The following BICDL1 variants were observed in gnomAD, a reference collection of about 807,000 sequenced individuals.
BICDL1 encodes the protein BICD family-like cargo adapter 1.
In BICDL1, 20 loss-of-function variants were observed where a neutral mutation model predicts 76.8. That is an observed-to-expected ratio of 0.26 (90% CI 0.18 to 0.38). The LOEUF is 0.38. BICDL1 is among the 10% of genes least tolerant of loss of function. The pLI, the probability that BICDL1 is intolerant of heterozygous loss-of-function variation, is 1.00. For synonymous variants in BICDL1, 383 were observed against 337.1 expected (o/e 1.14, Z -1.49); for missense variants, 700 against 798.6 (o/e 0.88, Z 1.49).
chr12:120,075,323 C>A (rs1238305320), intron 7 of BICDL1, among the ~76,000 whole-genome samples: 1 of 152,040 alleles, frequency 6.6e-6, no homozygotes, highest in Non-Finnish European at 1.5e-5. Context: ...TCACGCCTTG[C>A]TGCTGCATGA....
intron 2 of BICDL1, among the ~76,000 whole-genome samples, chr12:120,022,694 T>G (rs1952209050): frequency 6.6e-6 from 1 of 151,750 alleles, no homozygotes; most frequent in Non-Finnish European, 1.5e-5. Flanking sequence ...AGACTAGATA[T>G]CAGGTAATGC....
chr12:119,992,148 A>G (rs1473095161), intron 1 of BICDL1, among the ~76,000 whole-genome samples: 1 of 152,212 alleles, frequency 6.6e-6, no homozygotes, highest in Non-Finnish European at 1.5e-5. Flanking sequence ...ATTATTTCTT[A>G]TAGGTAGGTT....
chr12:120,049,932 T>C (rs1478905577), intron 2 of BICDL1, among the ~76,000 whole-genome samples: 1 of 152,188 alleles, frequency 6.6e-6, no homozygotes, highest in Admixed American at 6.5e-5. Context: ...CCACCAACAG[T>C]GTGTGGGAAT....
chr12:119,999,317 CT>C (rs1186362267), intron 2 of BICDL1, among the ~76,000 whole-genome samples: 1 of 152,150 alleles, frequency 6.6e-6, no homozygotes, highest in Non-Finnish European at 1.5e-5. Flanking sequence ...TGCTTAATGA[CT>C]TCTGACGTTT....
At chr12:119,990,918 CAG>C (rs1271352807) in intron 1 of BICDL1, among the ~76,000 whole-genome samples, 1 of 152,240 alleles carries the variant, frequency 6.6e-6, no homozygotes. Context: ...TGTATTTAAA[CAG>C]TACTTTTCTG....
chr12:120,090,753 G>C lies in BICDL1; in HGVS notation c.1704+682G>C. ...AAGGTAAGCCCCCCGTGGAGGGCAGGTTGTTGGTGACCATTCCTCCCAGGG... is the reference window on the plus strand; with the variant it reads ...AAGGTAAGCCCCCCGTGGAGGGCAGCTTGTTGGTGACCATTCCTCCCAGGG... On this transcript the variant is annotated intron_variant, in intron 9 of 9. Transcript: ENST00000548673. 1.4e-5 allele frequency: 7 copies of C among 509,608 alleles called. 1 individual carries two copies. The highest frequency in any genetic ancestry group is 1.2e-4 in the South Asian group (7 of 58,994). The allele number at this position is 509,608 out of a possible 1,614,324, so 31.6% of individuals were successfully genotyped here. A position where few individuals can be genotyped will look rare whatever the true frequency, so the allele number is the denominator to read the frequency against.
chr12:120,059,234 A>G (rs1594181030), intron 2 of BICDL1, among the ~76,000 whole-genome samples: 2 of 151,988 alleles, frequency 1.3e-5, no homozygotes, highest in Admixed American at 6.6e-5. Flanking sequence ...AGCTGGTACT[A>G]TAGGCACGCA....
At chr12:120,000,002 T>TG (rs1437352806) in intron 2 of BICDL1, 1 of 220,980 alleles carries the variant, frequency 4.5e-6, no homozygotes, top group Non-Finnish European at 9.3e-6. Flanking sequence ...TGATGGGTGA[T>TG]GCTGTATGAA....
At chr12:120,003,158 TAAA>T (rs747568511) in intron 2 of BICDL1, among the ~76,000 whole-genome samples, 34 of 136,646 alleles carry the variant, frequency 2.5e-4, no homozygotes, top group East Asian at 4.2e-4. Flanking sequence ...ACCCCATCTT[TAAA>T]AAAAAAAAAA....
At chr12:120,001,821 A>C (rs1043555857) in intron 2 of BICDL1, among the ~76,000 whole-genome samples, 1 of 152,162 alleles carries the variant, frequency 6.6e-6, no homozygotes, top group Admixed American at 6.5e-5. Context: ...AGGTTGAGGC[A>C]GGAGGATCAC....
At chr12:120,092,929 C>G in intron 9 of BICDL1, 71 bp from the exon 10 acceptor site, 1 of 1,487,126 alleles carries the variant, frequency 6.7e-7, no homozygotes, top group Non-Finnish European at 8.9e-7. Context: ...ATGTTCCCAC[C>G]TCCCTGTCCA....
intron 2 of BICDL1, among the ~76,000 whole-genome samples, chr12:120,014,270 C>A (rs183465346): frequency 7.2e-5 from 11 of 152,332 alleles, no homozygotes; most frequent in African/African-American, 2.2e-4. Flanking sequence ...TTCAAGTCAA[C>A]TCGAAGCCTT....
intron 2 of BICDL1, among the ~76,000 whole-genome samples, chr12:120,059,118 C>T (rs545010710): frequency 2.8e-4 from 42 of 151,644 alleles, no homozygotes; most frequent in South Asian, 8.3e-4. Context: ...CTTTTTGAGA[C>T]GTAGTCTTGC....
At chr12:119,997,135 A>T (rs1169868014) in intron 1 of BICDL1, among the ~76,000 whole-genome samples, 2 of 152,052 alleles carry the variant, frequency 1.3e-5, no homozygotes, top group Non-Finnish European at 2.9e-5. Flanking sequence ...TTTAGTAGAG[A>T]TCAGGTTTCA....
rs988852649 is a variant in BICDL1 at position 120,094,182 on chromosome 12, C to A, written c.*1021C>A. 4.0e-5 allele frequency: 18 copies of A among 448,024 alleles called. No homozygotes were observed. The highest frequency in any genetic ancestry group is 8.1e-5 in the Non-Finnish European group (18 of 221,532). 27.8% of individuals were successfully genotyped at this position (448,024 alleles called of 1,614,324 possible). ...TGGCTGCTGCTCCTGCCTCTGCAGCCGCCCCTCCTCCTCCACCCAGGCCCC... is the reference window on the plus strand; with the variant it reads ...TGGCTGCTGCTCCTGCCTCTGCAGCAGCCCCTCCTCCTCCACCCAGGCCCC... On this transcript the variant is annotated 3_prime_UTR_variant, in exon 10 of 10. Transcript: ENST00000548673.
chr12:120,052,287 TTTTC>T (rs1290430273), intron 2 of BICDL1, among the ~76,000 whole-genome samples: 1 of 148,400 alleles, frequency 6.7e-6, no homozygotes, highest in African/African-American at 2.5e-5. Context: ...CTTTCTAACT[TTTTC>T]TTTCTTCCTT....
At chr12:119,999,153 C>T (rs1176444079) in intron 2 of BICDL1, among the ~76,000 whole-genome samples, 4 of 151,196 alleles carry the variant, frequency 2.6e-5, no homozygotes, top group Non-Finnish European at 5.9e-5. Context: ...TGTATGCCTT[C>T]GTTTTTAACA....
intron 6 of BICDL1, among the ~76,000 whole-genome samples, chr12:120,073,860 A>G (rs573387720): frequency 6.6e-6 from 1 of 152,336 alleles, no homozygotes; most frequent in South Asian, 2.1e-4. Context: ...CTTTCCCCCA[A>G]GCCTGAAACA....
intron 1 of BICDL1, chr12:119,992,600 G>A (rs1289371233): frequency 6.6e-6 from 1 of 152,248 alleles, no homozygotes; most frequent in African/African-American, 2.4e-5. Context: ...GCCAAGGCTG[G>A]TCTCAAACTA....
Sources: gnomAD v4.1 joint callset for allele counts (sites outside exome capture counted in the v4.1 genomes callset) on GRCh38, gnomAD v4.1.1 for gene constraint, MANE v1.5 for transcripts, NCBI Gene and HGNC (gene_info 2026-07-23, HGNC 2026-07-21) for gene names.